Variants in IFT172 observed in about 807,000 individuals in gnomAD.
IFT172 encodes the protein intraflagellar transport 172.
IFT172 carries 164 observed loss-of-function variants against 248.9 expected under a neutral mutation model. The ratio of observed to expected loss-of-function variants is 0.66; its 90% CI spans 0.58 to 0.75. The LOEUF is 0.75. Ranked by LOEUF, IFT172 falls within the 30% of genes least tolerant of loss-of-function variation. The pLI is 0.00. For synonymous variants in IFT172, 729 were observed against 791.6 expected (o/e 0.92, Z 1.33); for missense variants, 1,950 against 2,192.4 (o/e 0.89, Z 2.21).
At chr2:27,479,666 T>C in intron 9 of IFT172, 62 bp from the exon 10 acceptor site, 1 of 1,043,010 alleles carries the variant, frequency 9.6e-7, no homozygotes, top group Non-Finnish European at 1.5e-6. Context: ...GGGGAGAGTA[T>C]CTAGAGACAT....
In IFT172 at chr2:27,445,205, G is replaced by A. The variant is rs1276515399; in HGVS notation, c.5068+91C>T. ...GGTAGAAAGCACAGTCCTGTCTTTT[G>A]TACCCTTTACTGAATCCTAGTAAAA... On this transcript the variant is annotated intron_variant, in intron 46 of 47. Transcript: ENST00000260570. The surrounding 1 kb of genome is among the most constrained non-coding windows in gnomAD (Gnocchi z 4.4). 3.2e-6 allele frequency: 5 copies of A among 1,584,778 alleles called. No homozygotes were observed. In the Admixed American group the frequency reaches 8.9e-5, roughly 28 times the overall value.
chr2:27,481,535 TTTC>T (rs1266287972), intron 7 of IFT172, among the ~76,000 whole-genome samples: 1 of 150,684 alleles, frequency 6.6e-6, no homozygotes, highest in Non-Finnish European at 1.5e-5. Context: ...ATATTGGAAT[TTTC>T]TTTTTTCTTT....
rs571624967 is a variant in IFT172 at position 27,446,299 on chromosome 2, A to G, written c.4716T>C (p.Pro1572=). The G allele has an allele frequency of 6.2e-7, 1 of 1,614,242 alleles. No homozygotes were observed. The highest frequency in any genetic ancestry group is 2.2e-5 in the East Asian group (1 of 44,888). Residue 1572 remains proline (P), a synonymous_variant, in exon 43 of 48, where the codon CCT becomes CCC. Transcript: ENST00000260570. ...VSLLRHTQLL[P]VDKAFYEAGI... Reference sequence around the variant, plus strand: ...CTGCTTCATAGAAGGCTTTGTCTACAGGTAGTAGCTGGGTGTGACGCAAGA... The same window carrying G: ...CTGCTTCATAGAAGGCTTTGTCTACGGGTAGTAGCTGGGTGTGACGCAAGA...
At chr2:27,447,058 G>T (rs534586661) in intron 42 of IFT172, among the ~76,000 whole-genome samples, 1 of 151,396 alleles carries the variant, frequency 6.6e-6, no homozygotes, top group East Asian at 1.9e-4. Flanking sequence ...GGCCAGGCTG[G>T]TCTCGAACTC....
In IFT172 at chr2:27,459,766, T is replaced by A; in HGVS notation, c.2585A>T (p.Asp862Val). The change falls in exon 24 of 48, where the codon GAC becomes GTC. Residue 862 changes from aspartate (D) to valine (V), a missense_variant. Asp to Val is a radical substitution (Grantham distance 152). Transcript: ENST00000260570. ...AAGCTGCTTCTGCTGCACCAGGTGG[T>A]CCCCCCATGCCTCCTCTAGTTTCAC... is the stretch of plus-strand genomic sequence containing the variant. ...EVVKLEEAWG[D>V]HLVQQKQLDA... is the part of the protein sequence containing the mutation. 1.9e-6 allele frequency: 3 copies of A among 1,612,666 alleles called. No homozygotes were observed. Among genetic ancestry groups the A allele is most frequent in the Non-Finnish European group, 2.5e-6 (3 of 1,179,964 alleles).
At position 27,449,341 on chromosome 2, in the gene IFT172, C is replaced by G. The variant is rs900692701; in HGVS notation, c.4264G>C (p.Val1422Leu). ...CACTTGTCCCACTGGCCCTGCTCCA[C>G]ATACAGGTCCAAAGCAGCTATCACA... ...VDVIAALDLY[V>L]EQGQWDKCIE... is the part of the protein sequence containing the mutation. The change falls in exon 39 of 48, where the codon GTG (valine) becomes CTG (leucine). Residue 1422 changes from valine (V) to leucine (L), a missense_variant. By Grantham distance (32) the Val-to-Leu change is conservative. Coordinates refer to ENST00000260570, the MANE Select transcript of IFT172 (RefSeq NM_015662.3). 6 of 1,614,050 alleles carry G rather than the reference C, an allele frequency of 3.7e-6. No individual in the cohort carries two copies. Among genetic ancestry groups the G allele is most frequent in the Non-Finnish European group, 4.2e-6 (5 of 1,180,038 alleles).
intron 16 of IFT172, among the ~76,000 whole-genome samples, chr2:27,468,055 G>T (rs1197130221): frequency 6.6e-6 from 1 of 151,696 alleles, no homozygotes; most frequent in African/African-American, 2.4e-5. Flanking sequence ...AGCTACTTAG[G>T]AGGCTGAGGC....
intron 42 of IFT172, among the ~76,000 whole-genome samples, chr2:27,446,843 G>A (rs1355962419): frequency 6.6e-6 from 1 of 151,480 alleles, no homozygotes; most frequent in African/African-American, 2.4e-5. Context: ...GGGACTACAG[G>A]CGCCCGCCAC....
At position 27,481,249 on chromosome 2, in the gene IFT172, A is replaced by G. The variant is rs533475435; in HGVS notation, c.582T>C (p.Val194=). 6.2e-6 allele frequency: 10 copies of G among 1,611,608 alleles called. No individual in the cohort carries two copies. The South Asian group carries it at 1.1e-4, about 18-fold the overall frequency. The change falls in exon 8 of 48, where the codon GTT becomes GTC. Residue 194 remains valine (V), a synonymous_variant. Coordinates refer to ENST00000260570, the MANE Select transcript of IFT172 (RefSeq NM_015662.3). ...AGGCATAGGGTGGACACGGGTGGTT[A>G]ACCAACTTCCCCTAAGACAGAAGTA... ...EGSGESQGKL[V]NHPCPPYALA...
At position 27,450,090 on chromosome 2, in the gene IFT172, C is replaced by T. The variant is rs769830338; in HGVS notation, c.3958G>A (p.Glu1320Lys). 3.1e-6 allele frequency: 5 copies of T among 1,613,516 alleles called. No individual in the cohort carries two copies. Among genetic ancestry groups the T allele is most frequent in the Admixed American group, 1.7e-5 (1 of 59,998 alleles). Residue 1320 changes from glutamate (E) to lysine (K), a missense_variant, in exon 36 of 48, where the codon GAA (glutamate) becomes AAA (lysine). Transcript: ENST00000260570. ...GGAGGCAGAAACTTGATGGAGAGTT[C>T]AGCTGCCTGAGTGGTTGAACAGAAG... ...LAEKCWMKAA[E>K]LSIKFLPPQR...
intron 16 of IFT172, among the ~76,000 whole-genome samples, chr2:27,469,248 C>T (rs1667364668): frequency 6.6e-6 from 1 of 151,936 alleles, no homozygotes; most frequent in Non-Finnish European, 1.5e-5. Flanking sequence ...CAAAAATTAG[C>T]CAGGCATGGT....
chr2:27,445,270 A>G lies in IFT172; in HGVS notation c.5068+26T>C, dbSNP rs749180868. 9.4e-6 allele frequency: 15 copies of G among 1,600,218 alleles called. No individual in the cohort carries two copies. The highest frequency in any genetic ancestry group is 1.7e-4 in the Middle Eastern group (1 of 5,726). ...CCTGCTGCTTTCTACCCACCACAGG[A>G]TCTGGGGTGCTGTAGGCTTCTATAC... On this transcript the variant is annotated intron_variant, in intron 46 of 47. Coordinates refer to ENST00000260570, the MANE Select transcript of IFT172 (RefSeq NM_015662.3). The surrounding 1 kb of genome is among the most constrained non-coding windows in gnomAD (Gnocchi z 4.4).
At chr2:27,459,863 T>C in intron 23 of IFT172, 34 bp from the exon 24 acceptor site, 1 of 1,605,296 alleles carries the variant, frequency 6.2e-7, no homozygotes, top group Non-Finnish European at 8.5e-7. Flanking sequence ...CAGCCCAGAT[T>C]TCCAGGGATG....
At position 27,454,131 on chromosome 2, in the gene IFT172, G is replaced by A. The variant is rs983926349; in HGVS notation, c.3562C>T (p.Gln1188Ter). 3 of 1,613,628 alleles carry A rather than the reference G, an allele frequency of 1.9e-6. No individual in the cohort carries two copies. Among genetic ancestry groups the A allele is most frequent in the African/African-American group, 1.3e-5 (1 of 75,024 alleles). ...GGGTCGTGAGCCTCAGCCACACGCT[G>A]AGCTGCCTCCCAATCCTGGTTATGG... ...FVHNQDWEAA[Q>*]RVAEAHDPDS... Residue 1188 changes from glutamine to a stop codon, truncating the protein, a stop_gained, in exon 33 of 48, where the codon CAG becomes TAG. Transcript: ENST00000260570. LOFTEE classifies it high-confidence loss of function. This position sits in a 1 kb window ranked among gnomAD's most constrained non-coding sequence, Gnocchi z 4.2.
At chr2:27,458,901 A>G (rs1666408310) in intron 25 of IFT172, 33 bp from the exon 26 acceptor site, 4 of 1,610,722 alleles carry the variant, frequency 2.5e-6, no homozygotes, top group Admixed American at 3.4e-5. Flanking sequence ...ACAAAAGGTC[A>G]GAGCAACAGA....
In IFT172 at chr2:27,461,268, C is replaced by A. The variant is rs1666641647; in HGVS notation, c.2442+1G>T. 4 of 1,613,840 alleles carry A rather than the reference C, an allele frequency of 2.5e-6. No individual in the cohort carries two copies. In the African/African-American group the frequency reaches 4.0e-5, roughly 16 times the overall value. ...GGGCTAGGAAAAGGAAGCCAGCATA[C>A]CCTTTCGTAGAGTTCCCCCTTGATA... On this transcript the variant is annotated splice_donor_variant, in intron 22 of 47. Coordinates refer to ENST00000260570, the MANE Select transcript of IFT172 (RefSeq NM_015662.3). LOFTEE classifies it high-confidence loss of function.
chr2:27,477,497 T>G, intron 12 of IFT172, 62 bp downstream of exon 12: 1 of 1,334,498 alleles, frequency 7.5e-7, no homozygotes, highest in Non-Finnish European at 1.1e-6. Context: ...TTGCCATCTT[T>G]ATGACACAGA....
Position 27,479,517 on chromosome 2 carries a change from G to T in IFT172, c.997C>A (p.Pro333Thr), listed in dbSNP as rs1668202780. The T allele has an allele frequency of 6.2e-7, 1 of 1,601,030 alleles. No individual in the cohort carries two copies. Among genetic ancestry groups the T allele is most frequent in the Non-Finnish European group, 8.6e-7 (1 of 1,168,092 alleles). ...GCTACCATCCTGCTTACCTGGCTAG[G>T]TCCCACATACGTCAACTCAAACTTG... ...KNKFELTYVGPSQVIVKNLSS... is the reference protein window; with the variant it reads ...KNKFELTYVGTSQVIVKNLSS... Residue 333 changes from proline (P) to threonine (T), a missense_variant, in exon 10 of 48, where the codon CCT becomes ACT. Transcript: ENST00000260570.
rs376037251 is a variant in IFT172 at position 27,454,111 on chromosome 2, G to A, written c.3582C>T (p.His1194=). 4.3e-6 allele frequency: 7 copies of A among 1,613,772 alleles called. No individual in the cohort carries two copies. The highest frequency in any genetic ancestry group is 2.7e-5 in the African/African-American group (2 of 74,922). Residue 1194 remains histidine (H), a synonymous_variant, in exon 33 of 48, where the codon CAC becomes CAT. Coordinates refer to ENST00000260570, the MANE Select transcript of IFT172 (RefSeq NM_015662.3). This position sits in a 1 kb window ranked among gnomAD's most constrained non-coding sequence, Gnocchi z 4.2. The stretch of plus-strand genomic sequence containing the variant: ...GCACCTCGGCGACACTGTCAGGGTC[G>A]TGAGCCTCAGCCACACGCTGAGCTG... ...WEAAQRVAEA[H]DPDSVAEVLV...
Sources: allele counts gnomAD v4.1 joint callset (sites outside exome capture counted in the v4.1 genomes callset), GRCh38; gene constraint gnomAD v4.1.1; non-coding constraint Gnocchi (gnomAD v3.1); transcripts MANE v1.5; gene names NCBI Gene and HGNC (gene_info 2026-07-23, HGNC 2026-07-21).